Variants in LRIT3 observed in about 807,000 individuals in gnomAD.
The protein encoded by LRIT3 is leucine-rich repeat, immunoglobulin-like domain and transmembrane domain-containing protein 3.
LRIT3 carries 14 observed loss-of-function variants against 22.6 expected under a neutral mutation model. The observed-to-expected ratio is 0.62, with a 90% CI of 0.41 to 0.97. The LOEUF (loss-of-function observed/expected upper bound fraction) is 0.97, where lower values mean the gene tolerates loss of function less well. LRIT3 is among the 50% of genes least tolerant of loss of function. LRIT3 has a pLI of 0.00. For synonymous variants in LRIT3, 306 were observed against 304.5 expected, an observed-to-expected ratio of 1.01 and a Z score of -0.05; for missense variants, 783 against 803.0, an observed-to-expected ratio of 0.98 and a Z score of 0.30.
intron 1 of LRIT3, among the ~76,000 whole-genome samples, chr4:109,850,393 TCCTTCCTTCCTTC>T: frequency 1.4e-3 from 1 of 690 alleles, no homozygotes; most frequent in Non-Finnish European, 4.3e-3. Flanking sequence ...CTTCCTTCCT[TCCTTCCTTCCTTC>T]CTTCCTTCCT....
At chr4:109,850,015 A>T in intron 1 of LRIT3, among the ~76,000 whole-genome samples, 1 of 152,232 alleles carries the variant, frequency 6.6e-6, no homozygotes, top group African/African-American at 2.4e-5. Flanking sequence ...TCCCTAGAGG[A>T]TTTCAAAGAT....
rs1437874181 is a variant in LRIT3 at position 109,870,146 on chromosome 4, C to G, written c.1397C>G (p.Thr466Arg). The G allele has an allele frequency of 6.2e-7, 1 of 1,614,112 alleles. No individual in the cohort carries two copies. Among genetic ancestry groups the G allele is most frequent in the African/African-American group, 1.3e-5 (1 of 75,020 alleles). The change falls in exon 4 of 4, where the codon ACA becomes AGA. Residue 466 changes from threonine (T) to arginine (R), a missense_variant. Around this residue, in one of 2 missense-constraint regions of LRIT3, gnomAD observed 756 missense variants for 753.8 expected, o/e 1.00. Transcript: ENST00000594814. Reference protein sequence around the residue: ...KNGSKLPPASTSKKEELALLD... With the variant: ...KNGSKLPPASRSKKEELALLD... Reference sequence around the variant, plus strand: ...GGAAGTAAGCTTCCTCCAGCCAGCACAAGTAAGAAAGAAGAGCTGGCATTG... The same window carrying G: ...GGAAGTAAGCTTCCTCCAGCCAGCAGAAGTAAGAAAGAAGAGCTGGCATTG...
chr4:109,870,881 C>T lies in LRIT3; in HGVS notation c.*92C>T, dbSNP rs2125901884. On this transcript the variant is annotated 3_prime_UTR_variant, in exon 4 of 4. Coordinates refer to ENST00000594814, the MANE Select transcript of LRIT3 (RefSeq NM_198506.5). ...TGGATGACTTTTGGACAGACTTTCA[C>T]ATTGTACATGAAAATCACAAATGGA... The T allele has an allele frequency of 3.1e-6, 4 of 1,305,402 alleles. No homozygotes were observed. The highest frequency in any genetic ancestry group is 2.4e-5 in the East Asian group (1 of 42,076). The allele number at this position is 1,305,402 out of a possible 1,614,324, so 80.9% of individuals were successfully genotyped here. A position where few individuals can be genotyped will look rare whatever the true frequency, so the allele number is the denominator to read the frequency against.
rs1052930190 is a variant in LRIT3, at chr4:109,868,006, A to C, written c.895+60A>C. On this transcript the variant is annotated intron_variant, in intron 3 of 3. Transcript: ENST00000594814. ...TTTACTAAGCTTTGAAGTTAACATC[A>C]TGTGTTGTGTGATTTGAAATTAGCT... is the stretch of plus-strand genomic sequence containing the variant. The C allele has an allele frequency of 3.3e-6, 5 of 1,501,830 alleles. 1 individual carries two copies. Among genetic ancestry groups the C allele is most frequent in the African/African-American group, 1.4e-5 (1 of 71,988 alleles). The allele number at this position is 1,501,830 out of a possible 1,614,324, so 93.0% of individuals were successfully genotyped here.
intron 1 of LRIT3, among the ~76,000 whole-genome samples, chr4:109,850,098 C>A (rs555737651): frequency 6.6e-6 from 1 of 152,128 alleles, no homozygotes; most frequent in Non-Finnish European, 1.5e-5. Flanking sequence ...ATGCTGCTTA[C>A]GTGTGTATAC....
chr4:109,870,205 G>T lies in LRIT3; in HGVS notation c.1456G>T (p.Ala486Ser), dbSNP rs2347131. 71 of 1,613,974 alleles carry T rather than the reference G, an allele frequency of 4.4e-5. No individual in the cohort carries two copies. The Middle Eastern group carries it at 4.9e-4, about 11-fold the overall frequency. Residue 486 changes from alanine (A) to serine (S), a missense_variant, in exon 4 of 4, where the codon GCA becomes TCA. This residue lies in a region of LRIT3 where 756 missense variants were observed against 753.8 expected (regional missense o/e 1.00). Coordinates refer to ENST00000594814, the MANE Select transcript of LRIT3 (RefSeq NM_198506.5). ...DQTMLTETNAAIENLRVVSET... is the reference protein window; with the variant it reads ...DQTMLTETNASIENLRVVSET... ...AACAATGCTTACGGAGACAAATGCCGCAATAGAAAACCTCAGGGTGGTCAG... is the reference window on the plus strand; with the variant it reads ...AACAATGCTTACGGAGACAAATGCCTCAATAGAAAACCTCAGGGTGGTCAG...
At position 109,851,213 on chromosome 4, in the gene LRIT3, G is replaced by T. The variant is rs184857752; in HGVS notation, c.117-291G>T. 27 of 289,064 alleles carry T rather than the reference G, an allele frequency of 9.3e-5. No homozygotes were observed. The East Asian group carries it at 1.4e-3, about 15-fold the overall frequency. 17.9% of individuals were successfully genotyped at this position (289,064 alleles called of 1,614,324 possible). ...CCTACTGAGTACCTATTCTGTGCCA[G>T]GAAGTTGTAGAGTTTTACATCCATT... On this transcript the variant is annotated intron_variant, in intron 1 of 3. Transcript: ENST00000594814.
rs369220726 is a variant in LRIT3 at position 109,870,743 on chromosome 4, A to G, written c.1994A>G (p.Gln665Arg). The G allele has an allele frequency of 6.2e-6, 10 of 1,611,922 alleles. No homozygotes were observed. In the African/African-American group the frequency reaches 1.3e-4, roughly 22 times the overall value. ...LLCSRSSVESQVTFKSEGSRP... is the reference protein window; with the variant it reads ...LLCSRSSVESRVTFKSEGSRP... ...TGTTCTAGGTCAAGTGTGGAATCTCAGGTGACTTTTAAAAGTGAAGGTTCC... is the reference window on the plus strand; with the variant it reads ...TGTTCTAGGTCAAGTGTGGAATCTCGGGTGACTTTTAAAAGTGAAGGTTCC... The change falls in exon 4 of 4, where the codon CAG (glutamine) becomes CGG (arginine). Residue 665 changes from glutamine to arginine, a missense_variant. By Grantham distance (43) the Gln-to-Arg change is conservative (BLOSUM62 1). Coordinates refer to ENST00000594814, the MANE Select transcript of LRIT3 (RefSeq NM_198506.5).
intron 2 of LRIT3, among the ~76,000 whole-genome samples, chr4:109,859,609 G>A (rs1734485979): frequency 6.6e-6 from 1 of 152,204 alleles, no homozygotes; most frequent in Admixed American, 6.5e-5. Flanking sequence ...GCCATGGCAA[G>A]ATGAGGGTGT....
rs1734280917 is a variant in LRIT3, at chr4:109,851,873, C to T, written c.486C>T (p.Ser162=). The T allele has an allele frequency of 2.6e-6, 4 of 1,551,556 alleles. No individual in the cohort carries two copies. Among genetic ancestry groups the T allele is most frequent in the Admixed American group, 2.0e-5 (1 of 50,972 alleles). ...LKNLAYLDLS[S]NRLTTLPPDF... Reference sequence around the variant, plus strand: ...ACCTTGCCTACTTGGATTTATCAAGCAACAGACTCACCACATTGCCACCAG... The same window carrying T: ...ACCTTGCCTACTTGGATTTATCAAGTAACAGACTCACCACATTGCCACCAG... The change falls in exon 2 of 4, where the codon AGC becomes AGT. Residue 162 remains serine, a synonymous_variant. Coordinates refer to ENST00000594814, the MANE Select transcript of LRIT3 (RefSeq NM_198506.5).
Position 109,871,017 on chromosome 4 carries a change from G to A in LRIT3, c.*228G>A. Reference sequence around the variant, plus strand: ...GGTCTACAGAAATAATTTTTAGAGTGGTGCTTAATAAATTATTAATACTTT... The same window carrying A: ...GGTCTACAGAAATAATTTTTAGAGTAGTGCTTAATAAATTATTAATACTTT... On this transcript the variant is annotated 3_prime_UTR_variant, in exon 4 of 4. Transcript: ENST00000594814. 2.6e-6 allele frequency: 1 copy of A among 385,056 alleles called. No homozygotes were observed. Among genetic ancestry groups the A allele is most frequent in the Non-Finnish European group, 4.6e-6 (1 of 219,462 alleles). 23.9% of individuals were successfully genotyped at this position (385,056 alleles called of 1,614,324 possible). A position where few individuals can be genotyped will look rare whatever the true frequency, so the allele number is the denominator to read the frequency against.
intron 2 of LRIT3, among the ~76,000 whole-genome samples, chr4:109,853,175 T>G (rs1411245281): frequency 6.6e-6 from 1 of 152,200 alleles, no homozygotes; most frequent in Admixed American, 6.5e-5. Flanking sequence ...TCCACAATGA[T>G]TGAACTAATT....
At chr4:109,869,583 T>A in intron 3 of LRIT3, 62 bp from the exon 4 acceptor site, 4 of 1,470,358 alleles carry the variant, frequency 2.7e-6, no homozygotes, top group Non-Finnish European at 3.7e-6. Context: ...TCCTCCTCAG[T>A]TGGCATGGTG....
At chr4:109,850,414 C>CTTT (rs1560588921) in intron 1 of LRIT3, among the ~76,000 whole-genome samples, 1,245 of 11,650 alleles carry the variant, frequency 0.11, 121 homozygotes, top group Admixed American at 0.12. Context: ...TTCCTTCCTT[C>CTTT]CTTCCTTCCT....
chr4:109,854,504 A>G (rs766362020), intron 2 of LRIT3, among the ~76,000 whole-genome samples: 2 of 152,196 alleles, frequency 1.3e-5, no homozygotes, highest in Non-Finnish European at 2.9e-5. Context: ...TAAATATACA[A>G]TCATGTCATC....
Position 109,870,049 on chromosome 4 carries a change from A to G in LRIT3, c.1300A>G (p.Thr434Ala). Residue 434 changes from threonine to alanine, a missense_variant, in exon 4 of 4, where the codon ACC becomes GCC. Thr to Ala is a moderately conservative substitution (Grantham distance 58). This residue lies in a region of LRIT3 where 756 missense variants were observed against 753.8 expected (regional missense o/e 1.00). Transcript: ENST00000594814. ...TCTGAGCACAAGCATCTCAGCAAGTACCACCATGGCCAACAAGCGATCATT... is the reference window on the plus strand; with the variant it reads ...TCTGAGCACAAGCATCTCAGCAAGTGCCACCATGGCCAACAAGCGATCATT... ...TTLSTSISAS[T>A]TMANKRSFQL... 2 of 1,614,170 alleles carry G rather than the reference A, an allele frequency of 1.2e-6. No homozygotes were observed. Among genetic ancestry groups the G allele is most frequent in the Non-Finnish European group, 1.7e-6 (2 of 1,180,030 alleles).
At chr4:109,861,312 C>G (rs1734539527) in intron 2 of LRIT3, among the ~76,000 whole-genome samples, 1 of 149,982 alleles carries the variant, frequency 6.7e-6, no homozygotes, top group African/African-American at 2.5e-5. Context: ...GAATTGAGAT[C>G]ACGTCACTGC....
chr4:109,859,028 G>GAC (rs1452900344), intron 2 of LRIT3, among the ~76,000 whole-genome samples: 12 of 152,174 alleles, frequency 7.9e-5, no homozygotes, highest in Non-Finnish European at 1.3e-4. Context: ...TGTCAACTGT[G>GAC]ACATGCACAT....
intron 2 of LRIT3, among the ~76,000 whole-genome samples, chr4:109,856,135 G>C (rs1353055093): frequency 6.6e-6 from 1 of 152,124 alleles, no homozygotes; most frequent in Non-Finnish European, 1.5e-5. Context: ...TCTCTGCAGG[G>C]GGAAGCACAT....
Sources: allele counts gnomAD v4.1 joint callset (sites outside exome capture counted in the v4.1 genomes callset), GRCh38; gene constraint gnomAD v4.1.1; regional missense constraint gnomAD v4.1.1; transcripts MANE v1.5; gene names NCBI Gene and HGNC (gene_info 2026-07-23, HGNC 2026-07-21).